IGFBP7: variants seen among roughly 807,000 people sequenced by gnomAD.
The protein encoded by IGFBP7 is insulin like growth factor binding protein 7.
Under a neutral mutation model 29.4 loss-of-function variants are expected in IGFBP7, and 31 were observed. The observed-to-expected ratio is 1.05, with a 90% CI of 0.79 to 1.42. The LOEUF is 1.42. IGFBP7 is among the 40% of genes most tolerant of loss of function. The probability of loss-of-function intolerance (pLI) is 0.00; values close to 1 mark genes in which losing one functional copy is unlikely to be tolerated. For missense variants in IGFBP7, 393 were observed against 395.5 expected, an observed-to-expected ratio of 0.99 and a Z score of 0.05; for synonymous variants, 172 against 174.9, an observed-to-expected ratio of 0.98 and a Z score of 0.13.
Position 57,030,791 on chromosome 4 carries a change from C to A in IGFBP7, c.*526G>T. On this transcript the variant is annotated 3_prime_UTR_variant, in exon 5 of 5. Coordinates refer to ENST00000295666, the MANE Select transcript of IGFBP7 (RefSeq NM_001553.3). ...AGCAGAATGTGTGTTCTCAGCTCCA[C>A]TCATTTATTCATTATCTACAGTACC... 1 of 682,312 alleles carries A rather than the reference C, an allele frequency of 1.5e-6. No homozygotes were observed. The highest frequency in any genetic ancestry group is 1.8e-5 in the African/African-American group (1 of 56,650). The allele number at this position is 682,312 out of a possible 1,614,324, so 42.3% of individuals were successfully genotyped here.
chr4:57,040,253 T>C (rs914222765), intron 2 of IGFBP7, among the ~76,000 whole-genome samples: 17 of 152,068 alleles, frequency 1.1e-4, no homozygotes, highest in African/African-American at 3.9e-4. Context: ...TAATCCATGC[T>C]CCCAGGAGAA....
intron 1 of IGFBP7, among the ~76,000 whole-genome samples, chr4:57,052,683 A>G (rs1724534038): frequency 6.6e-6 from 1 of 152,102 alleles, no homozygotes; most frequent in South Asian, 2.1e-4. Flanking sequence ...TCCATCTAAG[A>G]GCAGACCATT....
intron 1 of IGFBP7, among the ~76,000 whole-genome samples, chr4:57,074,672 T>C (rs1350396581): frequency 6.6e-6 from 1 of 152,202 alleles, no homozygotes; most frequent in Non-Finnish European, 1.5e-5. Context: ...ATTTATACCA[T>C]TTGAAAACCA....
At chr4:57,088,991 C>A (rs777707759) in intron 1 of IGFBP7, among the ~76,000 whole-genome samples, 27 of 142,566 alleles carry the variant, frequency 1.9e-4, no homozygotes, top group Non-Finnish European at 3.8e-4. Context: ...GAGATCACAC[C>A]ACTGCATTCC....
intron 1 of IGFBP7, among the ~76,000 whole-genome samples, chr4:57,052,932 C>A (rs1170042221): frequency 2.0e-5 from 3 of 152,100 alleles, no homozygotes; most frequent in Non-Finnish European, 4.4e-5. Flanking sequence ...TTTGAATTGA[C>A]CACAGAACAT....
At chr4:57,061,504 AT>A (rs1161828044) in intron 1 of IGFBP7, among the ~76,000 whole-genome samples, 1 of 152,220 alleles carries the variant, frequency 6.6e-6, no homozygotes, top group African/African-American at 2.4e-5. Context: ...CTGTGATACC[AT>A]GACAGTCAAT....
chr4:57,051,265 G>A (rs553682236), intron 1 of IGFBP7, among the ~76,000 whole-genome samples: 53 of 152,344 alleles, frequency 3.5e-4, no homozygotes, highest in Middle Eastern at 3.4e-3. Flanking sequence ...CATCTGCCAA[G>A]GCAAGTCATT....
At chr4:57,072,115 G>A (rs981802532) in intron 1 of IGFBP7, among the ~76,000 whole-genome samples, 1 of 151,980 alleles carries the variant, frequency 6.6e-6, no homozygotes, top group African/African-American at 2.4e-5. Flanking sequence ...CTCAGTACTC[G>A]ATAGTTATCT....
intron 1 of IGFBP7, among the ~76,000 whole-genome samples, chr4:57,079,089 A>G (rs1725299476): frequency 6.6e-6 from 1 of 152,190 alleles, no homozygotes; most frequent in Non-Finnish European, 1.5e-5. Context: ...TGTCTATGCA[A>G]GTGAGGATCA....
At chr4:57,045,189 T>G (rs554835824) in intron 1 of IGFBP7, among the ~76,000 whole-genome samples, 1 of 152,304 alleles carries the variant, frequency 6.6e-6, no homozygotes, top group Non-Finnish European at 1.5e-5. Flanking sequence ...AATGATTTTG[T>G]CAATCCTGCC....
intron 1 of IGFBP7, among the ~76,000 whole-genome samples, chr4:57,069,376 C>T (rs531905949): frequency 6.6e-6 from 1 of 151,852 alleles, no homozygotes; most frequent in Non-Finnish European, 1.5e-5. Context: ...ATTGTTGGGG[C>T]CAGATGTTCG....
At position 57,110,283 on chromosome 4, in the gene IGFBP7, G is replaced by C. The variant is rs1726163353; in HGVS notation, c.69C>G (p.Leu23=). 1 of 1,428,140 alleles carries C rather than the reference G, an allele frequency of 7.0e-7. No homozygotes were observed. Among genetic ancestry groups the C allele is most frequent in the Non-Finnish European group, 9.2e-7 (1 of 1,091,894 alleles). The allele number at this position is 1,428,140 out of a possible 1,614,324, so 88.5% of individuals were successfully genotyped here. ...AAGLLLLLLP[L]SSSSSSDTCG... is the part of the protein sequence containing the mutation. ...AGGTGTCCGAAGAGGAGGAAGAGGA[G>C]AGGGGCAGGAGCAGGAGCAGCAGCC... The change falls in exon 1 of 5, where the codon CTC becomes CTG. Residue 23 remains leucine, a synonymous_variant. Coordinates refer to ENST00000295666, the MANE Select transcript of IGFBP7 (RefSeq NM_001553.3).
At chr4:57,064,221 G>T (rs146810106) in intron 1 of IGFBP7, among the ~76,000 whole-genome samples, 14 of 152,278 alleles carry the variant, frequency 9.2e-5, no homozygotes, top group Admixed American at 3.3e-4. Flanking sequence ...GGGTGTGAAG[G>T]CATGTGCCTG....
intron 3 of IGFBP7, among the ~76,000 whole-genome samples, chr4:57,032,920 C>T (rs898712648): frequency 2.0e-5 from 3 of 152,226 alleles, no homozygotes; most frequent in Non-Finnish European, 2.9e-5. Context: ...TAAAACAATG[C>T]TTGGGCCACG....
At chr4:57,078,969 G>A (rs1002345390) in intron 1 of IGFBP7, among the ~76,000 whole-genome samples, 3 of 152,182 alleles carry the variant, frequency 2.0e-5, no homozygotes, top group Non-Finnish European at 4.4e-5. Flanking sequence ...CAGTTCTCTG[G>A]CTCAATTCAA....
At chr4:57,056,057 G>A (rs1447712775) in intron 1 of IGFBP7, among the ~76,000 whole-genome samples, 1 of 151,980 alleles carries the variant, frequency 6.6e-6, no homozygotes, top group African/African-American at 2.4e-5. Context: ...TGACTCCCTG[G>A]CAGACAACCC....
chr4:57,031,646 T>G (rs1334325132), intron 4 of IGFBP7, among the ~76,000 whole-genome samples: 1 of 152,216 alleles, frequency 6.6e-6, no homozygotes, highest in Non-Finnish European at 1.5e-5. Context: ...AGTCCGGATC[T>G]CCTTCAAAAG....
intron 1 of IGFBP7, among the ~76,000 whole-genome samples, chr4:57,090,219 T>C (rs1205016530): frequency 2.6e-5 from 4 of 152,224 alleles, no homozygotes; most frequent in Non-Finnish European, 5.9e-5. Context: ...TGTTGAGGGA[T>C]TGATTCAGAA....
chr4:57,081,160 C>G (rs1480369014), intron 1 of IGFBP7, among the ~76,000 whole-genome samples: 4 of 152,178 alleles, frequency 2.6e-5, no homozygotes, highest in African/African-American at 4.8e-5. Context: ...ACATTCTTAG[C>G]TTCAGGGCAG....
Sources: allele counts gnomAD v4.1 joint callset (sites outside exome capture counted in the v4.1 genomes callset), GRCh38; gene constraint gnomAD v4.1.1; transcripts MANE v1.5; gene names NCBI Gene and HGNC (gene_info 2026-07-23, HGNC 2026-07-21).